Variants in RALYL observed in about 807,000 individuals in gnomAD.
The protein encoded by RALYL is RALY RNA binding protein like.
A neutral mutation model predicts 35.1 loss-of-function variants in RALYL; 29 were observed. That is an observed-to-expected ratio of 0.83 (90% CI 0.61 to 1.13). The LOEUF (loss-of-function observed/expected upper bound fraction) is 1.13. Among genes scored for constraint, RALYL ranks in the 50% most tolerant of loss-of-function variants. RALYL has a pLI of 0.00. For synonymous variants in RALYL, 120 were observed against 127.6 expected, an observed-to-expected ratio of 0.94 and a Z score of 0.40; for missense variants, 359 against 360.4, an observed-to-expected ratio of 1.00 and a Z score of 0.03.
chr8:84,329,066 A>T (rs1397347394), intron 1 of RALYL, among the ~76,000 whole-genome samples: 4 of 152,162 alleles, frequency 2.6e-5, no homozygotes, highest in Admixed American at 6.6e-5. Flanking sequence ...TGTGATGAAG[A>T]TACGAGTGCA....
chr8:84,791,959 C>T (rs138356279), intron 3 of RALYL, among the ~76,000 whole-genome samples: 9 of 152,222 alleles, frequency 5.9e-5, no homozygotes, highest in South Asian at 2.1e-4. Context: ...GTTCAGCCAC[C>T]GTATGTGTGC....
intron 1 of RALYL, among the ~76,000 whole-genome samples, chr8:84,367,938 A>G (rs1765726620): frequency 6.6e-6 from 1 of 152,176 alleles, no homozygotes; most frequent in African/African-American, 2.4e-5. Flanking sequence ...CTGAGCTTAA[A>G]AAAAGTCACC....
chr8:84,368,197 C>T (rs930025227), intron 1 of RALYL, among the ~76,000 whole-genome samples: 1 of 152,118 alleles, frequency 6.6e-6, no homozygotes, highest in African/African-American at 2.4e-5. Flanking sequence ...GTACATGTAT[C>T]TATTTAGATA....
intron 2 of RALYL, among the ~76,000 whole-genome samples, chr8:84,534,054 G>GA (rs1452132205): frequency 6.6e-6 from 1 of 152,206 alleles, no homozygotes; most frequent in Non-Finnish European, 1.5e-5. Flanking sequence ...ATTGTTCTCA[G>GA]AAAAAAGAAT....
chr8:84,435,416 A>G (rs1042459552), intron 1 of RALYL, among the ~76,000 whole-genome samples: 4 of 152,182 alleles, frequency 2.6e-5, no homozygotes. Context: ...TGCTAAATAT[A>G]TTGATTCAGA....
At chr8:84,225,729 C>T (rs1823723088) in intron 1 of RALYL, among the ~76,000 whole-genome samples, 1 of 152,182 alleles carries the variant, frequency 6.6e-6, no homozygotes, top group Non-Finnish European at 1.5e-5. Flanking sequence ...TTTCCACCTT[C>T]ACGGTGTCCT....
chr8:84,707,184 G>A (rs1040153340), intron 2 of RALYL, among the ~76,000 whole-genome samples: 3 of 152,186 alleles, frequency 2.0e-5, no homozygotes, highest in African/African-American at 7.2e-5. Context: ...AAGCTCTGAG[G>A]GCTAGGCTGC....
chr8:84,447,872 T>C (rs903667264), intron 1 of RALYL, among the ~76,000 whole-genome samples: 3 of 152,024 alleles, frequency 2.0e-5, no homozygotes, highest in African/African-American at 7.2e-5. Context: ...AAAACTGTTT[T>C]AAGATTCTAG....
At chr8:84,870,085 A>G (rs1839921493) in intron 6 of RALYL, among the ~76,000 whole-genome samples, 1 of 152,130 alleles carries the variant, frequency 6.6e-6, no homozygotes, top group South Asian at 2.1e-4. Context: ...TCTTGCCTAA[A>G]AATAAGCTAA....
At chr8:84,682,710 G>C (rs189667550) in intron 2 of RALYL, among the ~76,000 whole-genome samples, 1 of 151,910 alleles carries the variant, frequency 6.6e-6, no homozygotes, top group African/African-American at 2.4e-5. Flanking sequence ...TTTTTATTGC[G>C]TCTTTTTGAT....
chr8:84,262,238 C>T (rs1033000584), intron 1 of RALYL, among the ~76,000 whole-genome samples: 6 of 152,028 alleles, frequency 3.9e-5, no homozygotes, highest in Admixed American at 2.0e-4. Context: ...TGTTATTTCA[C>T]GAGTGGAAAA....
At chr8:84,654,308 T>C (rs1432089619) in intron 2 of RALYL, among the ~76,000 whole-genome samples, 7 of 136,050 alleles carry the variant, frequency 5.1e-5, no homozygotes, top group African/African-American at 1.9e-4. Flanking sequence ...TATATATATA[T>C]ATATATCATG....
At chr8:84,342,593 C>T (rs565075514) in intron 1 of RALYL, among the ~76,000 whole-genome samples, 2 of 151,840 alleles carry the variant, frequency 1.3e-5, no homozygotes, top group East Asian at 2.0e-4. Context: ...TAATTGCATA[C>T]TGAACAGATA....
intron 2 of RALYL, among the ~76,000 whole-genome samples, chr8:84,598,636 T>A (rs1815176664): frequency 6.6e-6 from 1 of 152,104 alleles, no homozygotes; most frequent in African/African-American, 2.4e-5. Context: ...AAATGTCTTA[T>A]ATATATCTCA....
intron 8 of RALYL, among the ~76,000 whole-genome samples, chr8:84,915,624 A>G (rs138342711): frequency 6.6e-6 from 1 of 152,188 alleles, no homozygotes; most frequent in African/African-American, 2.4e-5. Context: ...ATTGGCCATG[A>G]TTACTGTAAA....
intron 2 of RALYL, among the ~76,000 whole-genome samples, chr8:84,648,598 C>T (rs4416819): frequency 0.29 from 44,068 of 151,568 alleles, 7,094 homozygotes; most frequent in African/African-American, 0.43. Flanking sequence ...TAGAGTATAT[C>T]CACATTACTA....
At chr8:84,858,004 A>G (rs373256157) in intron 5 of RALYL, among the ~76,000 whole-genome samples, 27 of 152,114 alleles carry the variant, frequency 1.8e-4, no homozygotes, top group African/African-American at 4.3e-4. Context: ...ACCTTTGTCC[A>G]AAAACAATTA....
At chr8:84,381,317 T>A (rs1020444007) in intron 1 of RALYL, among the ~76,000 whole-genome samples, 1 of 151,848 alleles carries the variant, frequency 6.6e-6, no homozygotes, top group African/African-American at 2.4e-5. Flanking sequence ...TATATCTGTA[T>A]GAAATGTAGT....
intron 1 of RALYL, among the ~76,000 whole-genome samples, chr8:84,419,774 C>T (rs1331876584): frequency 6.1e-5 from 9 of 146,572 alleles, no homozygotes; most frequent in Non-Finnish European, 1.3e-4. Flanking sequence ...TCAATTCCCA[C>T]CTATGAGTGA....
Sources: gnomAD v4.1 joint callset for allele counts (sites outside exome capture counted in the v4.1 genomes callset) on GRCh38, gnomAD v4.1.1 for gene constraint, MANE v1.5 for transcripts, NCBI Gene and HGNC (gene_info 2026-07-23, HGNC 2026-07-21) for gene names.